Variants in ANKRD30B observed in about 807,000 individuals in gnomAD.
The protein encoded by ANKRD30B is ankyrin repeat domain 30B, also known as ankyrin repeat domain-containing protein 30B.
In ANKRD30B, 144 loss-of-function variants were observed where a neutral mutation model predicts 202.2. The observed-to-expected ratio is 0.71, with a 90% CI of 0.62 to 0.82. ANKRD30B has a LOEUF of 0.82. ANKRD30B is among the 40% of genes least tolerant of loss of function. ANKRD30B has a pLI of 0.00. For synonymous variants in ANKRD30B, 508 were observed against 561.3 expected (o/e 0.91, Z 1.34); for missense variants, 1,487 against 1,669.1 (o/e 0.89, Z 1.90).
the ANKRD30B span, among the ~76,000 whole-genome samples, chr18:14,872,593 T>C: frequency 1.3e-5 from 2 of 152,254 alleles, no homozygotes; most frequent in South Asian, 4.1e-4. Flanking sequence ...GGTTCTCTTT[T>C]CTGGATCATT....
chr18:14,804,850 G>A (rs2144020238), intron 24 of ANKRD30B, among the ~76,000 whole-genome samples: 1 of 150,912 alleles, frequency 6.6e-6, no homozygotes, highest in South Asian at 2.1e-4. Flanking sequence ...GAGATTATGA[G>A]GCAGGAAGCA....
Position 14,763,946 on chromosome 18 carries a change from A to T in ANKRD30B, c.1081A>T (p.Ile361Phe), listed in dbSNP as rs774327116. 16 of 1,609,902 alleles carry T rather than the reference A, an allele frequency of 9.9e-6. No individual in the cohort carries two copies. The highest frequency in any genetic ancestry group is 3.3e-4 in the Middle Eastern group (2 of 6,058). Residue 361 changes from isoleucine (I) to phenylalanine (F), a missense_variant, in exon 7 of 44, where the codon ATC (isoleucine) becomes TTC (phenylalanine). By Grantham distance (21) the Ile-to-Phe change is conservative (BLOSUM62 0). Coordinates refer to ENST00000690538, the MANE Select transcript of ANKRD30B (RefSeq NM_001367607.2). ...GCCAGCAAAAGAAAGATCTAGGAAG[A>T]TCACATGGGAGGAAAAAGAAACATC... is the stretch of plus-strand genomic sequence containing the variant. ...SWPAKERSRK[I>F]TWEEKETSVK...
chr18:14,861,504 C>G, the ANKRD30B span, among the ~76,000 whole-genome samples: 6 of 150,386 alleles, frequency 4.0e-5, no homozygotes, highest in African/African-American at 1.5e-4. Context: ...ATTAAACTAA[C>G]AACAGTAAAA....
chr18:14,885,062 C>A, the ANKRD30B span, among the ~76,000 whole-genome samples: 1 of 152,086 alleles, frequency 6.6e-6, no homozygotes, highest in Non-Finnish European at 1.5e-5. Flanking sequence ...TTTCCCAACT[C>A]TGTTTTAAGG....
Position 14,784,326 on chromosome 18 carries a change from T to G in ANKRD30B, c.1571-10T>G. 6.2e-7 allele frequency: 1 copy of G among 1,611,488 alleles called. No homozygotes were observed. The highest frequency in any genetic ancestry group is 2.2e-5 in the East Asian group (1 of 44,686). On this transcript the variant is annotated splice_polypyrimidine_tract_variant and intron_variant, in intron 12 of 43. Coordinates refer to ENST00000690538, the MANE Select transcript of ANKRD30B (RefSeq NM_001367607.2). ...CTTATGATTGATGATAAATCTCTTT[T>G]GCATTTTAGAGCTTCCTGAGAAGCC...
intron 40 of ANKRD30B, 113 bp from the exon 41 acceptor site, chr18:14,850,101 C>A: frequency 7.6e-6 from 6 of 784,732 alleles, no homozygotes; most frequent in South Asian, 3.5e-5. Context: ...AAAAAAAATT[C>A]AGGAATATAG....
rs372579017 is a variant in ANKRD30B at position 14,749,989 on chromosome 18, G to A, written c.221+1349G>A. On this transcript the variant is annotated intron_variant, in intron 1 of 43. Transcript: ENST00000690538. ...ATTAAAAATTTTTAATATACAAAAA[G>A]ATAAAAATACCAGAAAAAACATAAA... 1.3e-4 allele frequency among the ~76,000 whole-genome samples: 19 copies of A among 151,892 alleles called. No individual in the cohort carries two copies. The East Asian group carries it at 3.7e-3, about 29-fold the overall frequency.
the ANKRD30B span, chr18:14,915,528 G>A: frequency 6.6e-6 from 1 of 152,152 alleles, no homozygotes; most frequent in Non-Finnish European, 1.5e-5. Flanking sequence ...CTAGTATGAG[G>A]TGAGTGCCTA....
chr18:14,896,980 A>C, the ANKRD30B span, among the ~76,000 whole-genome samples: 4,755 of 151,402 alleles, frequency 0.031, 128 homozygotes, highest in Non-Finnish European at 0.049. Context: ...AAAAAAAAAA[A>C]ACAGGAAAAT....
chr18:14,905,914 G>A, the ANKRD30B span: 1 of 152,154 alleles, frequency 6.6e-6, no homozygotes, highest in Admixed American at 6.5e-5. Flanking sequence ...AAAAAAAGAA[G>A]GGGTATAATG....
chr18:14,881,681 A>G, the ANKRD30B span, among the ~76,000 whole-genome samples: 1 of 151,754 alleles, frequency 6.6e-6, no homozygotes, highest in Admixed American at 6.6e-5. Flanking sequence ...TGAATGAAAG[A>G]AGACATTCTT....
At chr18:14,778,378 G>A (rs1425472986) in intron 10 of ANKRD30B, among the ~76,000 whole-genome samples, 3 of 152,212 alleles carry the variant, frequency 2.0e-5, no homozygotes, top group Non-Finnish European at 4.4e-5. Flanking sequence ...CAAGAAATGG[G>A]TTTAGGTAAT....
At chr18:14,763,596 G>C in intron 6 of ANKRD30B, 90 bp from the exon 7 acceptor site, 2 of 1,520,596 alleles carry the variant, frequency 1.3e-6, no homozygotes, top group Admixed American at 2.0e-5. Flanking sequence ...TTTAAGGAAA[G>C]CATACAGAAT....
At position 14,822,465 on chromosome 18, in the gene ANKRD30B, A is replaced by C. The variant is rs1056376533; in HGVS notation, c.2642-18A>C. 7.9e-7 allele frequency: 1 copy of C among 1,267,382 alleles called. No homozygotes were observed. Among genetic ancestry groups the C allele is most frequent in the African/African-American group, 1.4e-5 (1 of 69,296 alleles). The allele number at this position is 1,267,382 out of a possible 1,614,324, so 78.5% of individuals were successfully genotyped here. ...CAGGCTTGCGTATAATCAATTATAT[A>C]TGTCCCTTTTCTTTTAGAGTCTCCT... is the stretch of plus-strand genomic sequence containing the variant. On this transcript the variant is annotated intron_variant, in intron 30 of 43. Coordinates refer to ENST00000690538, the MANE Select transcript of ANKRD30B (RefSeq NM_001367607.2).
At chr18:14,866,692 G>A in the ANKRD30B span, among the ~76,000 whole-genome samples, 1 of 152,148 alleles carries the variant, frequency 6.6e-6, no homozygotes, top group African/African-American at 2.4e-5. Context: ...GTGGTGGGGT[G>A]GGTTGGGTGT....
the ANKRD30B span, among the ~76,000 whole-genome samples, chr18:14,938,528 A>G: frequency 2.0e-5 from 3 of 152,040 alleles, no homozygotes; most frequent in Non-Finnish European, 2.9e-5. Flanking sequence ...ACAAACTTTC[A>G]TTCCGGAAGG....
At chr18:14,848,060 T>A (rs1971726291) in intron 39 of ANKRD30B, among the ~76,000 whole-genome samples, 1 of 152,142 alleles carries the variant, frequency 6.6e-6, no homozygotes, top group Admixed American at 6.6e-5. Flanking sequence ...CAAGAGAGTC[T>A]GGTAGGTTCC....
At chr18:14,832,723 AAAATATGACTT>A (rs1423017509) in intron 34 of ANKRD30B, among the ~76,000 whole-genome samples, 1 of 152,240 alleles carries the variant, frequency 6.6e-6, no homozygotes, top group Non-Finnish European at 1.5e-5. Context: ...ATGCGTTTCT[AAAATATGACTT>A]AAATTTATAT....
At chr18:14,803,643 T>A (rs1164985121) in intron 23 of ANKRD30B, 91 bp from the exon 24 acceptor site, 7 of 1,441,446 alleles carry the variant, frequency 4.9e-6, no homozygotes, top group Non-Finnish European at 5.7e-6. Context: ...GGAAACTGTG[T>A]TTTTAGAAAA....
Sources: gnomAD v4.1 joint callset for allele counts (sites outside exome capture counted in the v4.1 genomes callset) on GRCh38, gnomAD v4.1.1 for gene constraint, MANE v1.5 for transcripts, NCBI Gene and HGNC (gene_info 2026-07-23, HGNC 2026-07-21) for gene names.